The following NXPE2 variants were observed in gnomAD, a reference collection of about 807,000 sequenced individuals.
The protein encoded by NXPE2 is neurexophilin and PC-esterase domain family member 2, also known as NXPE family member 2.
A neutral mutation model predicts 34.4 loss-of-function variants in NXPE2; 34 were observed. The observed-to-expected ratio is 0.99, with a 90% confidence interval of 0.75 to 1.31. The LOEUF (loss-of-function observed/expected upper bound fraction) is 1.31, where lower values mean the gene tolerates loss of function less well. Among genes scored for constraint, NXPE2 ranks in the 40% most tolerant of loss-of-function variants. The pLI is 0.00. For synonymous variants in NXPE2, 235 were observed against 231.3 expected (o/e 1.02, Z -0.15); for missense variants, 649 against 672.5 (o/e 0.97, Z 0.39).
the NXPE2 span, among the ~76,000 whole-genome samples, chr11:114,601,037 T>C: frequency 6.6e-6 from 1 of 152,012 alleles, no homozygotes; most frequent in African/African-American, 2.4e-5. Context: ...CAAGTTGCCA[T>C]CTGTACAAGT....
the NXPE2 span, among the ~76,000 whole-genome samples, chr11:114,494,674 G>GT: frequency 2.0e-5 from 3 of 152,098 alleles, no homozygotes; most frequent in African/African-American, 7.3e-5. Context: ...GAAAGGTCGC[G>GT]TATCTCTTCC....
chr11:114,620,235 T>C, the NXPE2 span, among the ~76,000 whole-genome samples: 6 of 146,616 alleles, frequency 4.1e-5, no homozygotes, highest in Non-Finnish European at 7.5e-5. Flanking sequence ...CTGTTATCCG[T>C]TGGATAATAA....
the NXPE2 span, among the ~76,000 whole-genome samples, chr11:114,602,428 G>A: frequency 1.5e-5 from 2 of 130,172 alleles, no homozygotes; most frequent in Non-Finnish European, 3.1e-5. Context: ...ATCAATAAAT[G>A]TAATTATAAT....
At chr11:114,657,020 G>A in the NXPE2 span, among the ~76,000 whole-genome samples, 2 of 152,126 alleles carry the variant, frequency 1.3e-5, no homozygotes, top group Non-Finnish European at 2.9e-5. Context: ...CATGAACCTG[G>A]GAGGCAGAGC....
the NXPE2 span, among the ~76,000 whole-genome samples, chr11:114,536,974 C>T: frequency 3.3e-5 from 5 of 151,886 alleles, no homozygotes; most frequent in Non-Finnish European, 7.4e-5. Context: ...AGAGACACAA[C>T]AAAAAAAGAG....
the NXPE2 span, among the ~76,000 whole-genome samples, chr11:114,615,235 A>T: frequency 6.6e-6 from 1 of 152,020 alleles, no homozygotes; most frequent in African/African-American, 2.4e-5. Flanking sequence ...CTCTTGGGTA[A>T]CCACTGTTAC....
chr11:114,795,737 A>G, the NXPE2 span, among the ~76,000 whole-genome samples: 7 of 152,228 alleles, frequency 4.6e-5, no homozygotes, highest in African/African-American at 1.4e-4. Context: ...TCTGGCCACC[A>G]TGCACCTGTG....
the NXPE2 span, among the ~76,000 whole-genome samples, chr11:114,536,045 C>T: frequency 5.3e-5 from 8 of 152,160 alleles, no homozygotes; most frequent in Non-Finnish European, 8.8e-5. Flanking sequence ...AAGCACTCCT[C>T]AGCAAATGTA....
the NXPE2 span, among the ~76,000 whole-genome samples, chr11:114,643,566 T>C: frequency 6.6e-6 from 1 of 152,116 alleles, no homozygotes; most frequent in Non-Finnish European, 1.5e-5. Flanking sequence ...CAGATGGTTG[T>C]AGATGTGTGG....
the NXPE2 span, among the ~76,000 whole-genome samples, chr11:114,670,284 C>T: frequency 6.6e-6 from 1 of 151,998 alleles, no homozygotes; most frequent in Non-Finnish European, 1.5e-5. Context: ...TTGATAAAAT[C>T]ACTGTTATCC....
chr11:114,678,010 T>C (rs1950877785), upstream of NXPE2, among the ~76,000 whole-genome samples: 1 of 152,102 alleles, frequency 6.6e-6, no homozygotes, highest in Admixed American at 6.6e-5. Flanking sequence ...CTGTTCCTCT[T>C]ATGGCCTGAG....
chr11:114,688,978 T>C (rs1183954396), intron 2 of NXPE2, among the ~76,000 whole-genome samples: 1 of 152,070 alleles, frequency 6.6e-6, no homozygotes, highest in Non-Finnish European at 1.5e-5. Context: ...TTGGATATTA[T>C]TTTCTCCTTT....
the NXPE2 span, among the ~76,000 whole-genome samples, chr11:114,603,489 A>G: frequency 6.6e-6 from 1 of 151,034 alleles, no homozygotes; most frequent in Admixed American, 6.6e-5. Flanking sequence ...TCTCCTAGGT[A>G]ACTCCTATTA....
At chr11:114,591,267 C>G in the NXPE2 span, among the ~76,000 whole-genome samples, 1 of 152,220 alleles carries the variant, frequency 6.6e-6, no homozygotes, top group Non-Finnish European at 1.5e-5. Context: ...CTAACATTTA[C>G]ATTGACTCCA....
intron 3 of NXPE2, among the ~76,000 whole-genome samples, chr11:114,700,722 G>A (rs1044320618): frequency 6.6e-6 from 1 of 152,134 alleles, no homozygotes; most frequent in Non-Finnish European, 1.5e-5. Flanking sequence ...TTAAAGTTAA[G>A]TTGGTTTCTT....
At chr11:114,798,074 C>G in the NXPE2 span, among the ~76,000 whole-genome samples, 1 of 152,196 alleles carries the variant, frequency 6.6e-6, no homozygotes, top group Admixed American at 6.5e-5. Flanking sequence ...GGTCTTGCTT[C>G]TGCTTATATT....
chr11:114,609,798 GATA>G, the NXPE2 span, among the ~76,000 whole-genome samples: 4 of 151,610 alleles, frequency 2.6e-5, no homozygotes, highest in Non-Finnish European at 5.9e-5. Context: ...TTACCTGATG[GATA>G]ATAAGCATTG....
the NXPE2 span, among the ~76,000 whole-genome samples, chr11:114,562,232 G>C: frequency 6.6e-6 from 1 of 152,062 alleles, no homozygotes; most frequent in Non-Finnish European, 1.5e-5. Context: ...GTAAATGTTG[G>C]GTTTATTTAT....
the NXPE2 span, among the ~76,000 whole-genome samples, chr11:114,572,580 T>G: frequency 0.6 from 91,022 of 151,888 alleles, 29,076 homozygotes; most frequent in African/African-American, 0.84. Flanking sequence ...GCACTGGAAA[T>G]TCTCAGCAAT....
Sources: gnomAD v4.1 joint callset for allele counts (sites outside exome capture counted in the v4.1 genomes callset) on GRCh38, gnomAD v4.1.1 for gene constraint, MANE v1.5 for transcripts, NCBI Gene and HGNC (gene_info 2026-07-23, HGNC 2026-07-21) for gene names.